The following UBE2B variants were observed in gnomAD, a reference collection of about 807,000 sequenced individuals.
UBE2B encodes the protein ubiquitin-conjugating enzyme E2 B.
A neutral mutation model predicts 24.6 loss-of-function variants in UBE2B; 11 were observed. That is an observed-to-expected ratio of 0.45 (90% CI 0.28 to 0.74). The LOEUF (loss-of-function observed/expected upper bound fraction) is 0.74, where lower values mean the gene tolerates loss of function less well. Among genes scored for constraint, UBE2B ranks in the 30% least tolerant of loss-of-function variants. The pLI is 0.13. For missense variants in UBE2B, 78 were observed against 185.6 expected, an observed-to-expected ratio of 0.42 and a Z score of 3.37; for synonymous variants, 68 against 62.4, an observed-to-expected ratio of 1.09 and a Z score of -0.42.
At position 134,390,717 on chromosome 5, in the gene UBE2B, C is replaced by CT. The variant is rs1758885143; in HGVS notation, c.*366dup. On this transcript the variant is annotated 3_prime_UTR_variant, in exon 6 of 6. Coordinates refer to ENST00000265339, the MANE Select transcript of UBE2B (RefSeq NM_003337.4). This position sits in a 1 kb window ranked among gnomAD's most constrained non-coding sequence, Gnocchi z 4.6. Reference sequence around the variant, plus strand: ...TAGATTTTTAAATTGGAGAAAAGCACTTAAAGTTTTTTATATATGAATATT... The same window carrying CT: ...TAGATTTTTAAATTGGAGAAAAGCACTTTAAAGTTTTTTATATATGAATATT... 2 of 258,132 alleles carry CT rather than the reference C, an allele frequency of 7.7e-6. No homozygotes were observed. The highest frequency in any genetic ancestry group is 8.4e-5 in the South Asian group (2 of 23,744). 16.0% of individuals were successfully genotyped at this position (258,132 alleles called of 1,614,324 possible).
Position 134,376,548 on chromosome 5 carries a change from A to ATT in UBE2B, c.126-121_126-120insTT, listed in dbSNP as rs1758614146. On this transcript the variant is annotated intron_variant, in intron 2 of 5. Transcript: ENST00000265339. ...AGGTGTTACTAAACTCTATCTTAAA[A>ATT]CTCCACAAATCATCAGAATGAGTCC... 2.8e-6 allele frequency: 3 copies of ATT among 1,064,212 alleles called. No individual in the cohort carries two copies. The Admixed American group carries it at 5.5e-5, about 20-fold the overall frequency. 65.9% of individuals were successfully genotyped at this position (1,064,212 alleles called of 1,614,324 possible). A position where few individuals can be genotyped will look rare whatever the true frequency, so the allele number is the denominator to read the frequency against.
rs753844482 is a variant in UBE2B, at chr5:134,390,201, G to GTT, written c.331-19_331-18dup. ...GTATAAAGAACAACTATGCAAATCT[G>GTT]TTTTTTCTTTTCTTTCCTCCTAGTC... On this transcript the variant is annotated intron_variant, in intron 5 of 5. Transcript: ENST00000265339. This position sits in a 1 kb window ranked among gnomAD's most constrained non-coding sequence, Gnocchi z 4.6. 6.2e-7 allele frequency: 1 copy of GTT among 1,613,366 alleles called. No homozygotes were observed. Among genetic ancestry groups the GTT allele is most frequent in the Admixed American group, 1.7e-5 (1 of 59,986 alleles).
At chr5:134,388,938 CTTTAATTG>C in intron 5 of UBE2B, 1 of 225,132 alleles carries the variant, frequency 4.4e-6, no homozygotes, top group South Asian at 3.5e-5. Flanking sequence ...TCTCACACTT[CTTTAATTG>C]TTTTTTTTTT....
Position 134,391,304 on chromosome 5 carries a change from C to T in UBE2B, c.*951C>T, listed in dbSNP as rs1467942854. 3 of 152,338 alleles carry T rather than the reference C, an allele frequency of 2.0e-5. No individual in the cohort carries two copies. Among genetic ancestry groups the T allele is most frequent in the African/African-American group, 4.8e-5 (2 of 41,386 alleles). 9.4% of individuals were successfully genotyped at this position (152,338 alleles called of 1,614,324 possible). ...AAATATTTGAAAATTACCTTTAATG[C>T]AATGCATATCTGTTTATTCTGGGAA... is the stretch of plus-strand genomic sequence containing the variant. On this transcript the variant is annotated 3_prime_UTR_variant, in exon 6 of 6. Transcript: ENST00000265339.
chr5:134,379,942 T>G (rs568327699), intron 3 of UBE2B, among the ~76,000 whole-genome samples: 1 of 151,888 alleles, frequency 6.6e-6, no homozygotes, highest in Non-Finnish European at 1.5e-5. Context: ...GGAGACAGAG[T>G]CTTGCTCTTG....
chr5:134,388,946 G>GTTTTTTTTTTTTTTTTTTTTTT, intron 5 of UBE2B: 1 of 172,266 alleles, frequency 5.8e-6, no homozygotes, highest in Non-Finnish European at 9.9e-6. Flanking sequence ...TTCTTTAATT[G>GTTTTTTTTTTTTTTTTTTTTTT]TTTTTTTTTT....
Position 134,371,587 on chromosome 5 carries a change from C to T in UBE2B, c.-9C>T, listed in dbSNP as rs1187259076. 5.5e-5 allele frequency: 88 copies of T among 1,612,514 alleles called. No homozygotes were observed. Among genetic ancestry groups the T allele is most frequent in the Non-Finnish European group, 7.1e-5 (84 of 1,179,738 alleles). Reference sequence around the variant, plus strand: ...TTTTTTCAGACTGACCGCGGGGCAGCTGCGGAGCATGTCGACCCCGGCCCG... The same window carrying T: ...TTTTTTCAGACTGACCGCGGGGCAGTTGCGGAGCATGTCGACCCCGGCCCG... On this transcript the variant is annotated 5_prime_UTR_variant, in exon 1 of 6. Coordinates refer to ENST00000265339, the MANE Select transcript of UBE2B (RefSeq NM_003337.4).
chr5:134,387,874 C>T (rs1758832317), intron 4 of UBE2B, among the ~76,000 whole-genome samples: 1 of 152,116 alleles, frequency 6.6e-6, no homozygotes, highest in Non-Finnish European at 1.5e-5. Flanking sequence ...GTGATCTCAG[C>T]TCACTGCAAC....
chr5:134,378,884 G>T (rs886378439), intron 3 of UBE2B, among the ~76,000 whole-genome samples: 1 of 145,914 alleles, frequency 6.9e-6, no homozygotes, highest in African/African-American at 2.5e-5. Context: ...CGCCAAGATC[G>T]CACCATTGCA....
chr5:134,386,950 AG>A, intron 4 of UBE2B, among the ~76,000 whole-genome samples: 1 of 145,562 alleles, frequency 6.9e-6, no homozygotes, highest in South Asian at 2.1e-4. Context: ...AGGTAGAATT[AG>A]TTTTTCACTT....
At chr5:134,388,444 G>A (rs1379468568) in intron 5 of UBE2B, 31 bp downstream of exon 5, 1 of 1,596,234 alleles carries the variant, frequency 6.3e-7, no homozygotes, top group Non-Finnish European at 8.6e-7. Flanking sequence ...ATTATAATTT[G>A]TCAGTATTCT....
At chr5:134,384,469 T>C (rs1028125187) in intron 4 of UBE2B, among the ~76,000 whole-genome samples, 2 of 152,188 alleles carry the variant, frequency 1.3e-5, no homozygotes, top group African/African-American at 2.4e-5. Context: ...CTTAGACTTG[T>C]TATTGAGTCA....
rs375428910 is a variant in UBE2B, at chr5:134,383,426, C to T, written c.241+2618C>T. Among the ~76,000 whole-genome samples the T allele has an allele frequency of 1.3e-3, 193 of 150,618 alleles. 3 individuals carry two copies. In the South Asian group the frequency reaches 0.039, roughly 30 times the overall value. On this transcript the variant is annotated intron_variant, in intron 4 of 5. Transcript: ENST00000265339. ...CCGGGTTCAAGTGATTCTCTTGCCT[C>T]AGCCTCCTGAGTAGCTGGGACTGCA... is the stretch of plus-strand genomic sequence containing the variant.
Position 134,390,756 on chromosome 5 carries a change from T to G in UBE2B, c.*403T>G, listed in dbSNP as rs1758885569. 1 of 229,528 alleles carries G rather than the reference T, an allele frequency of 4.4e-6. No homozygotes were observed. Among genetic ancestry groups the G allele is most frequent in the African/African-American group, 2.4e-5 (1 of 42,428 alleles). The allele number at this position is 229,528 out of a possible 1,614,324, so 14.2% of individuals were successfully genotyped here. A position where few individuals can be genotyped will look rare whatever the true frequency, so the allele number is the denominator to read the frequency against. ...TATATGAATATTACATGTAAAGCTG[T>G]TAAAATACATAACTTCAGTGCAAGA... On this transcript the variant is annotated 3_prime_UTR_variant, in exon 6 of 6. Transcript: ENST00000265339. This position sits in a 1 kb window ranked among gnomAD's most constrained non-coding sequence, Gnocchi z 4.6.
chr5:134,386,712 G>A (rs1219132376), intron 4 of UBE2B, among the ~76,000 whole-genome samples: 1 of 151,486 alleles, frequency 6.6e-6, no homozygotes, highest in Non-Finnish European at 1.5e-5. Context: ...TTTGACATTC[G>A]GTCTTAGAAA....
chr5:134,376,763 A>C, intron 3 of UBE2B, 69 bp downstream of exon 3: 1 of 1,463,096 alleles, frequency 6.8e-7, no homozygotes, highest in South Asian at 1.3e-5. Context: ...TGTAACACCA[A>C]CATATCTACT....
At chr5:134,377,767 A>C (rs1473188800) in intron 3 of UBE2B, among the ~76,000 whole-genome samples, 1 of 152,072 alleles carries the variant, frequency 6.6e-6, no homozygotes, top group East Asian at 1.9e-4. Context: ...AAGACTGTTG[A>C]CCTTTGCATT....
chr5:134,376,338 A>ATATATATATATATAT (rs1276778610), intron 2 of UBE2B, among the ~76,000 whole-genome samples: 47 of 4,362 alleles, frequency 0.011, 2 homozygotes, highest in Non-Finnish European at 0.025. Flanking sequence ...AAAAAAAAAA[A>ATATATATATATATAT]AAAAAAAAAA....
intron 3 of UBE2B, among the ~76,000 whole-genome samples, chr5:134,379,646 C>CAA (rs1222816195): frequency 3.7e-4 from 28 of 75,242 alleles, no homozygotes; most frequent in South Asian, 2.2e-3. Context: ...TCTGTCTCAA[C>CAA]AAAAAAAAAA....
Sources: allele counts gnomAD v4.1 joint callset (sites outside exome capture counted in the v4.1 genomes callset), GRCh38; gene constraint gnomAD v4.1.1; non-coding constraint Gnocchi (gnomAD v3.1); transcripts MANE v1.5; gene names NCBI Gene and HGNC (gene_info 2026-07-23, HGNC 2026-07-21).